The following SH2B2 variants were observed in gnomAD, a reference collection of about 807,000 sequenced individuals.
The protein encoded by SH2B2 is SH2B adaptor protein 2, also known as SH2B adapter protein 2.
A neutral mutation model predicts 35.7 loss-of-function variants in SH2B2; 37 were observed. The ratio of observed to expected loss-of-function variants is 1.04; its 90% CI spans 0.80 to 1.36. The LOEUF is 1.36. Ranked by LOEUF, SH2B2 falls within the 40% of genes most tolerant of loss-of-function variation. The pLI is 0.00. For synonymous variants in SH2B2, 383 were observed against 376.4 expected (o/e 1.02, Z -0.20); for missense variants, 852 against 817.7 (o/e 1.04, Z -0.51).
At chr7:102,315,025 C>T (rs1793767412) in intron 6 of SH2B2, among the ~76,000 whole-genome samples, 1 of 152,004 alleles carries the variant, frequency 6.6e-6, no homozygotes, top group Non-Finnish European at 1.5e-5. Flanking sequence ...CCCGTCACTA[C>T]TAAAAATATA....
At chr7:102,305,471 GC>G (rs1793357585) in intron 2 of SH2B2, among the ~76,000 whole-genome samples, 1 of 152,002 alleles carries the variant, frequency 6.6e-6, no homozygotes. Context: ...TCATCATGTT[GC>G]CCAGGCTGGT....
At chr7:102,301,394 G>A (rs1364006946) in intron 2 of SH2B2, 115 bp downstream of exon 2, 1 of 1,275,024 alleles carries the variant, frequency 7.8e-7, no homozygotes, top group Admixed American at 3.4e-5. Context: ...TGGTTGACAG[G>A]GTGAAGTATT....
At chr7:102,317,163 C>T in intron 6 of SH2B2, 24 bp from the exon 7 acceptor site, 6 of 1,550,666 alleles carry the variant, frequency 3.9e-6, no homozygotes, top group Non-Finnish European at 5.3e-6. Context: ...CCCCATGTTC[C>T]TCACACTGTC....
At chr7:102,299,597 G>T (rs1458091108) in intron 1 of SH2B2, among the ~76,000 whole-genome samples, 1 of 152,186 alleles carries the variant, frequency 6.6e-6, no homozygotes, top group Non-Finnish European at 1.5e-5. Flanking sequence ...CTGGAGTGCT[G>T]CATGCAGGAA....
chr7:102,295,729 A>C (rs1458262173), intron 1 of SH2B2, among the ~76,000 whole-genome samples: 2 of 152,126 alleles, frequency 1.3e-5, no homozygotes, highest in Non-Finnish European at 2.9e-5. Flanking sequence ...GGGTGTCGGG[A>C]GGCTTCCTGG....
At chr7:102,321,236 G>A in intron 8 of SH2B2, 63 bp from the exon 9 acceptor site, 2 of 1,276,434 alleles carry the variant, frequency 1.6e-6, no homozygotes, top group Non-Finnish European at 2.0e-6. Flanking sequence ...AGGGATCCCG[G>A]CCTCCCTGCA....
intron 1 of SH2B2, among the ~76,000 whole-genome samples, chr7:102,295,975 G>C (rs1312997993): frequency 2.0e-5 from 3 of 151,896 alleles, no homozygotes; most frequent in African/African-American, 7.3e-5. Flanking sequence ...TATTTTCTTT[G>C]CACTCATGAA....
At chr7:102,315,551 A>T (rs1286064505) in intron 6 of SH2B2, among the ~76,000 whole-genome samples, 1 of 150,328 alleles carries the variant, frequency 6.7e-6, no homozygotes, top group Non-Finnish European at 1.5e-5. Context: ...CTGATCTTGA[A>T]CTCCTGCCCT....
At chr7:102,288,799 A>G (rs1333350643) in intron 1 of SH2B2, among the ~76,000 whole-genome samples, 4 of 152,146 alleles carry the variant, frequency 2.6e-5, no homozygotes, top group African/African-American at 9.7e-5. Context: ...ACACTTAGGG[A>G]GGGGAAGTGA....
intron 2 of SH2B2, among the ~76,000 whole-genome samples, chr7:102,303,378 C>T (rs2132968305): frequency 6.6e-6 from 1 of 152,234 alleles, no homozygotes; most frequent in South Asian, 2.1e-4. Context: ...ACCGGGGACC[C>T]CACACCCACC....
In SH2B2 at chr7:102,312,759, A is replaced by T. The variant is rs1242201518; in HGVS notation, c.924-1577A>T. On this transcript the variant is annotated intron_variant, in intron 4 of 8. Transcript: ENST00000444095. ...GGGCAGTGGGGCATGATCACAGCTC[A>T]CTGCAGCCTCCAACTCCTGGACTCC... is the stretch of plus-strand genomic sequence containing the variant. Among the ~76,000 whole-genome samples, 3 of 151,498 alleles carry T rather than the reference A, an allele frequency of 2.0e-5. No homozygotes were observed. The East Asian group carries it at 5.8e-4, about 29-fold the overall frequency.
At chr7:102,292,802 C>T (rs963231700) in intron 1 of SH2B2, among the ~76,000 whole-genome samples, 5 of 152,190 alleles carry the variant, frequency 3.3e-5, no homozygotes, top group Non-Finnish European at 7.3e-5. Context: ...TAGTTCTGAC[C>T]GTCTCCCCCT....
upstream of SH2B2, among the ~76,000 whole-genome samples, chr7:102,285,857 C>A (rs554975329): frequency 6.6e-6 from 1 of 152,264 alleles, no homozygotes; most frequent in South Asian, 2.1e-4. Flanking sequence ...AGGAGCAAGA[C>A]TACTCTCTTC....
intron 2 of SH2B2, among the ~76,000 whole-genome samples, chr7:102,301,537 CGTGT>C (rs139217859): frequency 8.8e-5 from 13 of 148,182 alleles, no homozygotes; most frequent in South Asian, 2.2e-4. Context: ...TTTTTCTTTT[CGTGT>C]GTGTGTGTGT....
intron 1 of SH2B2, among the ~76,000 whole-genome samples, chr7:102,294,238 G>C (rs1554552232): frequency 6.6e-6 from 1 of 152,128 alleles, no homozygotes; most frequent in African/African-American, 2.4e-5. Context: ...ATGTTGCCCA[G>C]GCTGCTCTCG....
chr7:102,307,034 G>T (rs917631759), intron 3 of SH2B2, among the ~76,000 whole-genome samples: 1 of 152,256 alleles, frequency 6.6e-6, no homozygotes, highest in Non-Finnish European at 1.5e-5. Flanking sequence ...GGTGCCTCGG[G>T]CGTCGCCCAA....
At chr7:102,292,884 T>C (rs901349973) in intron 1 of SH2B2, among the ~76,000 whole-genome samples, 3 of 152,208 alleles carry the variant, frequency 2.0e-5, no homozygotes, top group Non-Finnish European at 4.4e-5. Context: ...AGGGGGGGTC[T>C]CTTGGCAGTG....
upstream of SH2B2, among the ~76,000 whole-genome samples, chr7:102,285,431 C>T (rs574132359): frequency 1.3e-5 from 2 of 152,220 alleles, no homozygotes; most frequent in Non-Finnish European, 2.9e-5. Flanking sequence ...TGTGCAGCTC[C>T]GATCGAGGGC....
intron 4 of SH2B2, among the ~76,000 whole-genome samples, chr7:102,310,145 A>G (rs951095334): frequency 4.6e-5 from 7 of 152,058 alleles, no homozygotes; most frequent in Non-Finnish European, 8.8e-5. Flanking sequence ...GTGAAAACCC[A>G]TCTCTACTAA....
Sources: allele counts gnomAD v4.1 joint callset (sites outside exome capture counted in the v4.1 genomes callset), GRCh38; gene constraint gnomAD v4.1.1; transcripts MANE v1.5; gene names NCBI Gene and HGNC (gene_info 2026-07-23, HGNC 2026-07-21).